TAF15: variants seen among roughly 807,000 people sequenced by gnomAD.
The protein encoded by TAF15 is TATA-binding protein-associated factor 2N.
TAF15 carries 37 observed loss-of-function variants against 102.5 expected under a neutral mutation model. The ratio of observed to expected loss-of-function variants is 0.36; its 90% CI spans 0.28 to 0.47. The LOEUF (loss-of-function observed/expected upper bound fraction) is 0.47, where lower values mean the gene tolerates loss of function less well. Among genes scored for constraint, TAF15 ranks in the 20% least tolerant of loss-of-function variants. The pLI is 0.99. For synonymous variants in TAF15, 273 were observed against 259.2 expected (o/e 1.05, Z -0.51); for missense variants, 652 against 760.7 (o/e 0.86, Z 1.68).
At chr17:35,820,139 A>C (rs753270027) in intron 3 of TAF15, 25 bp from the exon 4 acceptor site, 16 of 1,613,774 alleles carry the variant, frequency 9.9e-6, no homozygotes, top group Non-Finnish European at 1.3e-5. Flanking sequence ...AGGTGATGAA[A>C]CTTGAGTATT....
At chr17:35,815,931 G>T (rs2087189783) in intron 1 of TAF15, among the ~76,000 whole-genome samples, 1 of 152,206 alleles carries the variant, frequency 6.6e-6, no homozygotes, top group East Asian at 1.9e-4. Flanking sequence ...CATATTCATA[G>T]AAGTAGTAGT....
intron 5 of TAF15, 105 bp downstream of exon 5, chr17:35,820,542 TAAAGGAAA>T: frequency 5.2e-6 from 5 of 965,160 alleles, no homozygotes; most frequent in African/African-American, 1.7e-5. Flanking sequence ...TTTTTTTTTT[TAAAGGAAA>T]TTTTAATGGA....
At chr17:35,833,870 T>G (rs373860747) in intron 7 of TAF15, 37 bp from the exon 8 acceptor site, 3 of 1,612,424 alleles carry the variant, frequency 1.9e-6, no homozygotes, top group Non-Finnish European at 2.5e-6. Context: ...ATTAGAGACT[T>G]AAGGAAGAAA....
rs771224081 is a variant in TAF15 at position 35,844,089 on chromosome 17, A to G, written c.1019A>G (p.Tyr340Cys). ...CCCATCCCCCTAGGCCGTGGAGGAT[A>G]TAGAGGTCGTGGAGGCTTTCAAGGG... The part of the protein sequence containing the change: ...SGGGRRGRGG[Y>C]RGRGGFQGRG... Residue 340 changes from tyrosine (Y) to cysteine (C), a missense_variant, in exon 13 of 16, where the codon TAT becomes TGT. Around this residue, in one of 3 missense-constraint regions of TAF15, gnomAD observed 368 missense variants for 367.5 expected, o/e 1.00. Coordinates refer to ENST00000605844, the MANE Select transcript of TAF15 (RefSeq NM_139215.3). The G allele has an allele frequency of 2.5e-6, 4 of 1,614,130 alleles. No individual in the cohort carries two copies. The highest frequency in any genetic ancestry group is 2.5e-6 in the Non-Finnish European group (3 of 1,180,008).
chr17:35,814,264 C>A (rs1008754604), intron 1 of TAF15, among the ~76,000 whole-genome samples: 4 of 151,744 alleles, frequency 2.6e-5, no homozygotes, highest in African/African-American at 7.3e-5. Context: ...CTCCTGGGTT[C>A]ACGCCATTCT....
At chr17:35,812,866 G>C (rs1210896797) in intron 1 of TAF15, among the ~76,000 whole-genome samples, 2 of 152,112 alleles carry the variant, frequency 1.3e-5, no homozygotes, top group African/African-American at 4.8e-5. Flanking sequence ...GGTGGCTCAT[G>C]CCTGTAATCC....
At chr17:35,841,696 C>CTTTT (rs549802660) in intron 11 of TAF15, among the ~76,000 whole-genome samples, 3 of 135,182 alleles carry the variant, frequency 2.2e-5, no homozygotes, top group Non-Finnish European at 3.2e-5. Flanking sequence ...TCACGCCCAG[C>CTTTT]TTTTTTTTTT....
chr17:35,835,596 A>G (rs2087464032), intron 9 of TAF15, among the ~76,000 whole-genome samples: 1 of 152,218 alleles, frequency 6.6e-6, no homozygotes, highest in Non-Finnish European at 1.5e-5. Flanking sequence ...TCTTTGTTGT[A>G]CTAATCCAAA....
intron 7 of TAF15, among the ~76,000 whole-genome samples, chr17:35,832,582 A>C (rs2087420534): frequency 6.6e-6 from 1 of 151,834 alleles, no homozygotes; most frequent in Non-Finnish European, 1.5e-5. Context: ...GTATCCATAA[A>C]GCAGAGATTT....
Position 35,844,702 on chromosome 17 carries a change from G to A in TAF15, c.1403G>A (p.Gly468Glu). Residue 468 changes from glycine (G) to glutamate (E), a missense_variant, in exon 15 of 16, where the codon GGA (glycine) becomes GAA (glutamate). Physicochemically the swap from Gly to Glu is moderately conservative, Grantham distance 98. Around this residue, in one of 3 missense-constraint regions of TAF15, gnomAD observed 368 missense variants for 367.5 expected, o/e 1.00. Transcript: ENST00000605844. ...GGCGGCGGCTATGGTGGGGACAGAG[G>A]AGGCGGCTATGGAGGAGACCGAGGA... ...DRGGGYGGDR[G>E]GGYGGDRGGG... 6.2e-7 allele frequency: 1 copy of A among 1,604,188 alleles called. No individual in the cohort carries two copies. Among genetic ancestry groups the A allele is most frequent in the South Asian group, 1.1e-5 (1 of 90,432 alleles).
At chr17:35,827,542 T>A (rs553569984) in intron 7 of TAF15, among the ~76,000 whole-genome samples, 2 of 151,910 alleles carry the variant, frequency 1.3e-5, no homozygotes, top group South Asian at 4.1e-4. Flanking sequence ...CCGTCTCTAC[T>A]AAAAATACAA....
intron 1 of TAF15, among the ~76,000 whole-genome samples, chr17:35,813,945 T>G (rs2087158730): frequency 6.6e-6 from 1 of 152,160 alleles, no homozygotes; most frequent in African/African-American, 2.4e-5. Context: ...CATTAGAGTT[T>G]AGAGAGAAAG....
chr17:35,840,361 C>T (rs938194766), intron 11 of TAF15, among the ~76,000 whole-genome samples: 11 of 149,340 alleles, frequency 7.4e-5, no homozygotes, highest in Non-Finnish European at 7.4e-5. Context: ...ACGCCATTCT[C>T]CTGCCTCAGC....
chr17:35,820,984 G>A (rs2087251417), intron 5 of TAF15, among the ~76,000 whole-genome samples: 1 of 152,110 alleles, frequency 6.6e-6, no homozygotes, highest in Non-Finnish European at 1.5e-5. Flanking sequence ...TTAATAGCAA[G>A]TTACTTTTTA....
At chr17:35,815,922 A>T (rs1365387984) in intron 1 of TAF15, among the ~76,000 whole-genome samples, 3 of 152,140 alleles carry the variant, frequency 2.0e-5, no homozygotes, top group Non-Finnish European at 4.4e-5. Flanking sequence ...TATGCCCTCC[A>T]TATTCATAGA....
chr17:35,821,438 T>G (rs1454127920), intron 5 of TAF15, among the ~76,000 whole-genome samples: 1 of 152,232 alleles, frequency 6.6e-6, no homozygotes, highest in Non-Finnish European at 1.5e-5. Flanking sequence ...ATGTTAAGTT[T>G]GATTTGACAG....
At chr17:35,834,012 A>G in intron 8 of TAF15, 71 bp downstream of exon 8, 1 of 1,546,900 alleles carries the variant, frequency 6.5e-7, no homozygotes, top group Non-Finnish European at 8.9e-7. Flanking sequence ...AATATCCCGC[A>G]GATGTAGTCA....
chr17:35,842,042 G>A (rs1296052702), intron 11 of TAF15, among the ~76,000 whole-genome samples: 2 of 151,786 alleles, frequency 1.3e-5, no homozygotes, highest in African/African-American at 4.8e-5. Context: ...GGCTGGTCTC[G>A]TGCTCCTGGA....
rs772349746 is a variant in TAF15, at chr17:35,834,554, C to A, written c.641-12C>A. On this transcript the variant is annotated splice_polypyrimidine_tract_variant and intron_variant, in intron 8 of 15. Coordinates refer to ENST00000605844, the MANE Select transcript of TAF15 (RefSeq NM_139215.3). ...GCCTTAAATAGCTCTTTTTTCTTTT[C>A]TTTTCCCTTAGGTCACAGGGATTAT... The A allele has an allele frequency of 3.1e-6, 5 of 1,610,104 alleles. No homozygotes were observed. In the South Asian group the frequency reaches 4.4e-5, roughly 14 times the overall value.
Sources: gnomAD v4.1 joint callset for allele counts (sites outside exome capture counted in the v4.1 genomes callset) on GRCh38, gnomAD v4.1.1 for gene constraint, gnomAD v4.1.1 regional missense constraint, MANE v1.5 for transcripts, NCBI Gene and HGNC (gene_info 2026-07-23, HGNC 2026-07-21) for gene names.